CEP63: variants seen among roughly 807,000 people sequenced by gnomAD.
CEP63 encodes centrosomal protein 63, also known as centrosomal protein of 63 kDa.
CEP63 carries 84 observed loss-of-function variants against 89.1 expected under a neutral mutation model. The observed-to-expected ratio is 0.94, with a 90% CI of 0.79 to 1.13. The LOEUF is 1.13. CEP63 is among the 50% of genes most tolerant of loss of function. The pLI is 0.00. For synonymous variants in CEP63, 267 were observed against 272.5 expected (o/e 0.98, Z 0.20); for missense variants, 838 against 813.3 (o/e 1.03, Z -0.37).
the CEP63 span, among the ~76,000 whole-genome samples, chr3:134,675,481 C>T: frequency 6.6e-6 from 1 of 152,034 alleles, no homozygotes; most frequent in African/African-American, 2.4e-5. Context: ...ACAACCATTT[C>T]CCAGATATAA....
chr3:134,506,975 T>C (rs1358332257), intron 2 of CEP63, 134 bp from the exon 3 acceptor site: 1 of 560,594 alleles, frequency 1.8e-6, no homozygotes, highest in African/African-American at 1.9e-5. Context: ...CTTCTGGTAA[T>C]TTATTAATTT....
At chr3:134,722,820 G>A in the CEP63 span, among the ~76,000 whole-genome samples, 1 of 152,056 alleles carries the variant, frequency 6.6e-6, no homozygotes, top group Non-Finnish European at 1.5e-5. Context: ...ATTGTTATCA[G>A]GGCACTAGTC....
At chr3:134,607,136 T>G in the CEP63 span, 8 of 985,348 alleles carry the variant, frequency 8.1e-6, no homozygotes, top group East Asian at 9.1e-4. Context: ...GGTCAGTTCT[T>G]TCCGATATTT....
chr3:134,695,168 G>A, the CEP63 span, among the ~76,000 whole-genome samples: 1 of 152,134 alleles, frequency 6.6e-6, no homozygotes, highest in African/African-American at 2.4e-5. Context: ...CTGTGCTGCG[G>A]GTGTCATTGC....
chr3:134,544,923 C>T (rs962271647), intron 6 of CEP63, among the ~76,000 whole-genome samples: 26 of 152,154 alleles, frequency 1.7e-4, no homozygotes, highest in East Asian at 9.6e-4. Flanking sequence ...TCTTGGCTCA[C>T]TGCAACTTCC....
At chr3:134,529,285 A>G (rs1949366497) in intron 3 of CEP63, among the ~76,000 whole-genome samples, 1 of 151,964 alleles carries the variant, frequency 6.6e-6, no homozygotes, top group African/African-American at 2.4e-5. Flanking sequence ...ATTTATAAAC[A>G]TACAGATTTT....
At chr3:134,727,371 C>T in the CEP63 span, among the ~76,000 whole-genome samples, 1 of 152,156 alleles carries the variant, frequency 6.6e-6, no homozygotes, top group Non-Finnish European at 1.5e-5. Flanking sequence ...AAACACCAGC[C>T]TGGGAGACTA....
the CEP63 span, among the ~76,000 whole-genome samples, chr3:134,712,055 G>C: frequency 6.6e-6 from 1 of 152,148 alleles, no homozygotes; most frequent in African/African-American, 2.4e-5. Context: ...AGCCCAGCCT[G>C]ATGTCACTCA....
At chr3:134,650,851 G>C in the CEP63 span, 3 of 1,607,102 alleles carry the variant, frequency 1.9e-6, no homozygotes, top group African/African-American at 1.3e-5. Context: ...CAGCGAGCTC[G>C]GGTTCGCCTG....
the CEP63 span, among the ~76,000 whole-genome samples, chr3:134,659,401 C>T: frequency 6.6e-6 from 1 of 152,210 alleles, no homozygotes; most frequent in African/African-American, 2.4e-5. Flanking sequence ...ATTTCCATTT[C>T]CATGAACTCA....
chr3:134,495,202 A>G (rs1939379432), intron 1 of CEP63, 94 bp from the exon 2 acceptor site: 1 of 891,068 alleles, frequency 1.1e-6, no homozygotes, highest in Admixed American at 1.8e-5. Flanking sequence ...TTTCATTATT[A>G]TGTATGCTTT....
chr3:134,678,949 T>C, the CEP63 span, among the ~76,000 whole-genome samples: 1 of 152,132 alleles, frequency 6.6e-6, no homozygotes, highest in Non-Finnish European at 1.5e-5. Context: ...AAAGAATAGT[T>C]CCCCCAGAGC....
the CEP63 span, among the ~76,000 whole-genome samples, chr3:134,636,072 T>C: frequency 6.6e-6 from 1 of 152,240 alleles, no homozygotes. Flanking sequence ...TTAGAAATGA[T>C]GTGATGAACA....
chr3:134,769,734 C>T, the CEP63 span, among the ~76,000 whole-genome samples: 1 of 152,208 alleles, frequency 6.6e-6, no homozygotes, highest in Non-Finnish European at 1.5e-5. Flanking sequence ...GCAGGAGAGA[C>T]CAGCCTTTTG....
At position 134,565,000 on chromosome 3, in the gene CEP63, A is replaced by G; in HGVS notation, c.*3465A>G. The G allele has an allele frequency of 1.0e-6, 1 of 965,976 alleles. No individual in the cohort carries two copies. Among genetic ancestry groups the G allele is most frequent in the African/African-American group, 1.8e-5 (1 of 56,930 alleles). 59.8% of individuals were successfully genotyped at this position (965,976 alleles called of 1,614,324 possible). ...TCACCATTTTTCAAAAAGATATATT[A>G]ATACCAAATATTAAAATGTGTCAAG... On this transcript the variant is annotated 3_prime_UTR_variant, in exon 15 of 15. Coordinates refer to ENST00000675561, the MANE Select transcript of CEP63 (RefSeq NM_001353108.3).
At position 134,495,279 on chromosome 3, in the gene CEP63, A is replaced by T. The variant is rs1368114541; in HGVS notation, c.-25-17A>T. 2.5e-6 allele frequency: 4 copies of T among 1,582,714 alleles called. No homozygotes were observed. The highest frequency in any genetic ancestry group is 3.5e-6 in the Non-Finnish European group (4 of 1,151,890). ...AGAAATGAATTGTCTCATGACTGATATTTTTTTCTTTGTCAGTTGCCAAAA... is the reference window on the plus strand; with the variant it reads ...AGAAATGAATTGTCTCATGACTGATTTTTTTTTCTTTGTCAGTTGCCAAAA... On this transcript the variant is annotated splice_polypyrimidine_tract_variant and intron_variant, in intron 1 of 14. Coordinates refer to ENST00000675561, the MANE Select transcript of CEP63 (RefSeq NM_001353108.3).
downstream of CEP63, among the ~76,000 whole-genome samples, chr3:134,578,322 GTTTTTTTTTT>G (rs71139542): frequency 1.4e-4 from 9 of 62,076 alleles, no homozygotes; most frequent in African/African-American, 5.6e-4. Flanking sequence ...TCTGACTTGT[GTTTTTTTTTT>G]TTTTTTTTTT....
the CEP63 span, among the ~76,000 whole-genome samples, chr3:134,594,438 C>T: frequency 6.6e-6 from 1 of 152,136 alleles, no homozygotes; most frequent in African/African-American, 2.4e-5. Context: ...TCAGCCATTC[C>T]CCCTGATAGA....
intron 6 of CEP63, among the ~76,000 whole-genome samples, chr3:134,539,033 A>G (rs1238408595): frequency 6.6e-6 from 1 of 152,174 alleles, no homozygotes; most frequent in Non-Finnish European, 1.5e-5. Flanking sequence ...TGTTTAACCT[A>G]AAACTGTCTG....
Sources: allele counts gnomAD v4.1 joint callset (sites outside exome capture counted in the v4.1 genomes callset), GRCh38; gene constraint gnomAD v4.1.1; transcripts MANE v1.5; gene names NCBI Gene and HGNC (gene_info 2026-07-23, HGNC 2026-07-21).